Variants in AARS1 observed in about 807,000 individuals in gnomAD.
AARS1 encodes the protein alanyl-tRNA synthetase 1.
In AARS1, 72 loss-of-function variants were observed where a neutral mutation model predicts 108.9. The observed-to-expected ratio is 0.66, with a 90% CI of 0.55 to 0.80. The LOEUF (loss-of-function observed/expected upper bound fraction) is 0.80, where lower values mean the gene tolerates loss of function less well. Among genes scored for constraint, AARS1 ranks in the 30% least tolerant of loss-of-function variants. The pLI, the probability that AARS1 is intolerant of heterozygous loss-of-function variation, is 0.00. For missense variants in AARS1, 1,193 were observed against 1,233.2 expected (o/e 0.97, Z 0.49); for synonymous variants, 489 against 465.7 (o/e 1.05, Z -0.64).
At chr16:70,268,926 G>A (rs998807131) in intron 7 of AARS1, among the ~76,000 whole-genome samples, 1 of 152,212 alleles carries the variant, frequency 6.6e-6, no homozygotes, top group Non-Finnish European at 1.5e-5. Flanking sequence ...TCATAAAGAG[G>A]CCGGGCATGG....
At chr16:70,285,101 T>C (rs1056440512) in intron 1 of AARS1, among the ~76,000 whole-genome samples, 1 of 151,756 alleles carries the variant, frequency 6.6e-6, no homozygotes, top group Admixed American at 6.6e-5. Context: ...TGATGGCGAG[T>C]GCCTGTAATC....
intron 10 of AARS1, 63 bp from the exon 11 acceptor site, chr16:70,265,165 T>G (rs1960233658): frequency 6.3e-7 from 1 of 1,597,694 alleles, no homozygotes; most frequent in African/African-American, 1.3e-5. Flanking sequence ...TCCAAAGGAC[T>G]GGAACTTGCT....
At chr16:70,281,733 T>A (rs749353904) in intron 2 of AARS1, among the ~76,000 whole-genome samples, 1 of 152,122 alleles carries the variant, frequency 6.6e-6, no homozygotes, top group Non-Finnish European at 1.5e-5. Flanking sequence ...ATGCCTGTAG[T>A]CCTAGCTACT....
At chr16:70,262,064 C>A (rs1960145050) in intron 12 of AARS1, among the ~76,000 whole-genome samples, 1 of 152,162 alleles carries the variant, frequency 6.6e-6, no homozygotes. Context: ...GCTGAGTTTT[C>A]TACAAGGACA....
intron 5 of AARS1, among the ~76,000 whole-genome samples, chr16:70,271,468 C>G (rs1437230053): frequency 6.6e-6 from 1 of 150,928 alleles, no homozygotes; most frequent in Non-Finnish European, 1.5e-5. Context: ...ACAGATGTTG[C>G]AGTAAGCCAA....
At chr16:70,257,053 T>C (rs925552340) in intron 15 of AARS1, among the ~76,000 whole-genome samples, 1 of 151,850 alleles carries the variant, frequency 6.6e-6, no homozygotes, top group African/African-American at 2.4e-5. Context: ...ATGGAGACCA[T>C]CCTGGCTAAC....
chr16:70,281,265 AC>A (rs1960688826), intron 2 of AARS1, among the ~76,000 whole-genome samples: 1 of 152,138 alleles, frequency 6.6e-6, no homozygotes, highest in South Asian at 2.1e-4. Context: ...GGTAGCTCAC[AC>A]CTGTAATCAC....
chr16:70,270,089 A>AC (rs1478117539), intron 6 of AARS1, 107 bp downstream of exon 6: 1 of 1,389,056 alleles, frequency 7.2e-7, no homozygotes, highest in African/African-American at 1.4e-5. Context: ...GGAAATGGGT[A>AC]CCCTTGGCTG....
At chr16:70,270,783 G>A (rs1236231473) in intron 5 of AARS1, among the ~76,000 whole-genome samples, 1 of 148,450 alleles carries the variant, frequency 6.7e-6, no homozygotes, top group African/African-American at 2.5e-5. Flanking sequence ...GTTGTGGTGA[G>A]CTGAGATTTC....
At chr16:70,278,567 A>G (rs1310047574) in intron 2 of AARS1, among the ~76,000 whole-genome samples, 2 of 146,956 alleles carry the variant, frequency 1.4e-5, no homozygotes, top group African/African-American at 4.9e-5. Flanking sequence ...TCTGTCTCCA[A>G]AAAAAAAAAA....
chr16:70,270,798 T>C (rs1205508583), intron 5 of AARS1, among the ~76,000 whole-genome samples: 2 of 145,122 alleles, frequency 1.4e-5, no homozygotes, highest in Admixed American at 7.0e-5. Context: ...GATTTCACCA[T>C]TGCACTACAG....
At chr16:70,285,871 C>T (rs1270701329) in intron 1 of AARS1, among the ~76,000 whole-genome samples, 1 of 152,180 alleles carries the variant, frequency 6.6e-6, no homozygotes, top group Non-Finnish European at 1.5e-5. Context: ...AAGTTTTCTC[C>T]TTATGAGGAA....
chr16:70,253,540 C>A, intron 19 of AARS1, 159 bp from the exon 20 acceptor site: 6 of 1,022,186 alleles, frequency 5.9e-6, no homozygotes, highest in Non-Finnish European at 8.9e-6. Context: ...CCGGGCCCTG[C>A]CCCTACCCTG....
At chr16:70,288,830 G>A (rs374207210) in intron 1 of AARS1, among the ~76,000 whole-genome samples, 229 of 152,166 alleles carry the variant, frequency 1.5e-3, no homozygotes, top group Middle Eastern at 0.014. Flanking sequence ...ACCTCCCAAA[G>A]CGCTGGGATT....
Position 70,252,621 on chromosome 16 carries a change from G to A in AARS1, c.*100C>T. 1 of 1,352,580 alleles carries A rather than the reference G, an allele frequency of 7.4e-7. No individual in the cohort carries two copies. Among genetic ancestry groups the A allele is most frequent in the Non-Finnish European group, 1.0e-6 (1 of 952,814 alleles). 83.8% of individuals were successfully genotyped at this position (1,352,580 alleles called of 1,614,324 possible). On this transcript the variant is annotated 3_prime_UTR_variant, in exon 21 of 21. Coordinates refer to ENST00000261772, the MANE Select transcript of AARS1 (RefSeq NM_001605.3). Reference sequence around the variant, plus strand: ...TGTGTTCCAGTTACTGCTGGGTTAGGAGGGGCTCTTTAAAGGTCCCAAGAT... The same window carrying A: ...TGTGTTCCAGTTACTGCTGGGTTAGAAGGGGCTCTTTAAAGGTCCCAAGAT...
rs1410315443 is a variant in AARS1 at position 70,258,056 on chromosome 16, A to C, written c.2154T>G (p.Thr718=). The C allele has an allele frequency of 4.3e-6, 7 of 1,614,046 alleles. No homozygotes were observed. Among genetic ancestry groups the C allele is most frequent in the Non-Finnish European group, 5.9e-6 (7 of 1,180,032 alleles). Residue 718 remains threonine, a synonymous_variant, in exon 15 of 21, where the codon ACT becomes ACG. Coordinates refer to ENST00000261772, the MANE Select transcript of AARS1 (RefSeq NM_001605.3). Reference sequence around the variant, plus strand: ...ACGTTCCCCCACAGAACTCAACAGAAGTCAGGGAGCCAGCAGGCCCAGAGG... The same window carrying C: ...ACGTTCCCCCACAGAACTCAACAGACGTCAGGGAGCCAGCAGGCCCAGAGG... The part of the protein sequence containing the change: ...DDPSGPAGSL[T]SVEFCGGTHL...
intron 16 of AARS1, 75 bp downstream of exon 16, chr16:70,255,653 T>C: frequency 7.6e-7 from 1 of 1,310,682 alleles, no homozygotes; most frequent in Non-Finnish European, 1.1e-6. Context: ...CAGAGCAGTG[T>C]TTGCTCTATG....
Position 70,270,353 on chromosome 16 carries a change from G to A in AARS1, c.672-13C>T. ...GCCATCAGCTTCCCTGTATGATCCAGAAGAAGAGGAGGTTGAAGCAGAGAC... is the reference window on the plus strand; with the variant it reads ...GCCATCAGCTTCCCTGTATGATCCAAAAGAAGAGGAGGTTGAAGCAGAGAC... On this transcript the variant is annotated splice_polypyrimidine_tract_variant and intron_variant, in intron 5 of 20. Coordinates refer to ENST00000261772, the MANE Select transcript of AARS1 (RefSeq NM_001605.3). 6.2e-7 allele frequency: 1 copy of A among 1,614,136 alleles called. No individual in the cohort carries two copies. The highest frequency in any genetic ancestry group is 8.5e-7 in the Non-Finnish European group (1 of 1,180,024).
intron 14 of AARS1, 21 bp from the exon 15 acceptor site, chr16:70,258,238 A>G: frequency 6.4e-7 from 1 of 1,572,430 alleles, no homozygotes; most frequent in South Asian, 1.2e-5. Context: ...AAGAAGACAG[A>G]AAAGAGCTGG....
Sources: gnomAD v4.1 joint callset for allele counts (sites outside exome capture counted in the v4.1 genomes callset) on GRCh38, gnomAD v4.1.1 for gene constraint, MANE v1.5 for transcripts, NCBI Gene and HGNC (gene_info 2026-07-23, HGNC 2026-07-21) for gene names.